The following IL4 variants were observed in gnomAD, a reference collection of about 807,000 sequenced individuals.
IL4 encodes the protein interleukin-4.
In IL4, 10 loss-of-function variants were observed where a neutral mutation model predicts 17.4. That is an observed-to-expected ratio of 0.57 (90% CI 0.35 to 0.97). IL4 has a LOEUF of 0.97. IL4 is among the 50% of genes least tolerant of loss of function. IL4 has a pLI of 0.01. For missense variants in IL4, 174 were observed against 187.7 expected (o/e 0.93, Z 0.43); for synonymous variants, 87 against 79.0 (o/e 1.10, Z -0.54).
In IL4 at chr5:132,680,985, G is replaced by A. The variant is rs544959335; in HGVS notation, c.360+1095G>A. On this transcript the variant is annotated intron_variant, in intron 3 of 3. Coordinates refer to ENST00000231449, the MANE Select transcript of IL4 (RefSeq NM_000589.4). This position sits in a 1 kb window ranked among gnomAD's most constrained non-coding sequence, Gnocchi z 4.3. Reference sequence around the variant, plus strand: ...AGACTGGCGGCAAGGCAGGGCTGGAGGTTCAGCAGAAGATCAAGAGTTCAA... The same window carrying A: ...AGACTGGCGGCAAGGCAGGGCTGGAAGTTCAGCAGAAGATCAAGAGTTCAA... 6.5e-4 allele frequency among the ~76,000 whole-genome samples: 99 copies of A among 152,330 alleles called. 1 individual carries two copies. The highest frequency in any genetic ancestry group is 6.3e-3 in the Admixed American group (96 of 15,310).
At chr5:132,681,805 T>C (rs151271210) in intron 3 of IL4, among the ~76,000 whole-genome samples, 131 of 152,298 alleles carry the variant, frequency 8.6e-4, no homozygotes, top group African/African-American at 3.0e-3. Context: ...TATCACCTTG[T>C]AGACAATGGG....
At chr5:132,676,267 T>C (rs530865124) in intron 2 of IL4, among the ~76,000 whole-genome samples, 4 of 152,300 alleles carry the variant, frequency 2.6e-5, no homozygotes, top group East Asian at 3.9e-4. Flanking sequence ...CTGAAGGTGA[T>C]TGCAAGGTTG....
intron 2 of IL4, among the ~76,000 whole-genome samples, chr5:132,675,871 GTGTGTGTATATA>G (rs1454514574): frequency 1.4e-5 from 2 of 145,836 alleles, no homozygotes; most frequent in East Asian, 2.0e-4. Context: ...GTGTGTGTGT[GTGTGTGTATATA>G]TGTGTGTGTG....
Position 132,679,949 on chromosome 5 carries a change from C to T in IL4, c.360+59C>T, listed in dbSNP as rs1001155721. 2.2e-6 allele frequency: 3 copies of T among 1,380,292 alleles called. No individual in the cohort carries two copies. In the African/African-American group the frequency reaches 4.3e-5, roughly 20 times the overall value. 85.5% of individuals were successfully genotyped at this position (1,380,292 alleles called of 1,614,324 possible). A position where few individuals can be genotyped will look rare whatever the true frequency, so the allele number is the denominator to read the frequency against. On this transcript the variant is annotated intron_variant, in intron 3 of 3. Coordinates refer to ENST00000231449, the MANE Select transcript of IL4 (RefSeq NM_000589.4). ...CGTGGCTCCTGGTGGACAGCAGCCT[C>T]ACTTCTAAACACTCCTTAGGAGCTG...
At chr5:132,674,548 T>C (rs746905518) in intron 2 of IL4, 42 bp downstream of exon 2, 20 of 1,508,430 alleles carry the variant, frequency 1.3e-5, no homozygotes, top group African/African-American at 4.1e-5. Context: ...AATGGGGAGA[T>C]CCATCCCCAA....
At chr5:132,682,081 C>CA (rs1468541777) in intron 3 of IL4, among the ~76,000 whole-genome samples, 3 of 152,058 alleles carry the variant, frequency 2.0e-5, no homozygotes, top group Non-Finnish European at 2.9e-5. Context: ...TTTAATGGCA[C>CA]AGGAGGGCCA....
intron 2 of IL4, among the ~76,000 whole-genome samples, chr5:132,677,368 G>A (rs755622144): frequency 2.6e-5 from 4 of 152,288 alleles, no homozygotes; most frequent in Admixed American, 1.3e-4. Flanking sequence ...GGCTGTCCAA[G>A]TGCACTCCCT....
intron 3 of IL4, among the ~76,000 whole-genome samples, chr5:132,681,951 G>T (rs1268605089): frequency 2.6e-5 from 4 of 152,144 alleles, no homozygotes; most frequent in Non-Finnish European, 5.9e-5. Flanking sequence ...AAATTAAGTA[G>T]TACATCCTAA....
rs374355865 is a variant in IL4 at position 132,682,530 on chromosome 5, C to T, written c.405C>T (p.Asn135=). ...VKEANQSTLE[N]FLERLKTIMR... ...AAGCCAACCAGAGTACGTTGGAAAA[C>T]TTCTTGGAAAGGCTAAAGACGATCA... Residue 135 remains asparagine, a synonymous_variant, in exon 4 of 4, where the codon AAC becomes AAT. Transcript: ENST00000231449. 1.5e-5 allele frequency: 24 copies of T among 1,612,406 alleles called. No individual in the cohort carries two copies. Among genetic ancestry groups the T allele is most frequent in the Middle Eastern group, 1.6e-4 (1 of 6,080 alleles).
chr5:132,678,417 A>G (rs2243270), intron 2 of IL4, among the ~76,000 whole-genome samples: 52,834 of 152,160 alleles, frequency 0.35, 13,003 homozygotes, highest in East Asian at 0.77. Flanking sequence ...ATTAACAGCA[A>G]TAGTTACCTC....
rs1752422321 is a variant in IL4 at position 132,678,357 on chromosome 5, A to C, written c.184-1357A>C. On this transcript the variant is annotated intron_variant, in intron 2 of 3. Coordinates refer to ENST00000231449, the MANE Select transcript of IL4 (RefSeq NM_000589.4). ...AGTTACAAAACAGTATCAACAGTTG[A>C]CCCCTATTTTAAAAAGTATTTTTAA... 2.0e-5 allele frequency among the ~76,000 whole-genome samples: 3 copies of C among 152,226 alleles called. No homozygotes were observed. In the South Asian group the frequency reaches 6.2e-4, roughly 32 times the overall value.
chr5:132,679,236 A>G (rs1397396828), intron 2 of IL4, among the ~76,000 whole-genome samples: 1 of 152,198 alleles, frequency 6.6e-6, no homozygotes, highest in Non-Finnish European at 1.5e-5. Flanking sequence ...TCATTTATTC[A>G]ACAGGCATGC....
Position 132,679,695 on chromosome 5 carries a change from G to A in IL4, c.184-19G>A. 6.3e-7 allele frequency: 1 copy of A among 1,596,142 alleles called. No homozygotes were observed. Among genetic ancestry groups the A allele is most frequent in the South Asian group, 1.1e-5 (1 of 88,734 alleles). ...AAATGGAGCTGGCACATTGCTATCTGTGGCATTTGTCTTTCCAGAACACAA... is the reference window on the plus strand; with the variant it reads ...AAATGGAGCTGGCACATTGCTATCTATGGCATTTGTCTTTCCAGAACACAA... On this transcript the variant is annotated intron_variant, in intron 2 of 3. Transcript: ENST00000231449.
chr5:132,680,855 G>A lies in IL4; in HGVS notation c.360+965G>A, dbSNP rs1433399028. Among the ~76,000 whole-genome samples, 2 of 152,236 alleles carry A rather than the reference G, an allele frequency of 1.3e-5. No individual in the cohort carries two copies. Among genetic ancestry groups the A allele is most frequent in the South Asian group, 4.1e-4 (2 of 4,830 alleles). On this transcript the variant is annotated intron_variant, in intron 3 of 3. Transcript: ENST00000231449. The surrounding 1 kb of genome is among the most constrained non-coding windows in gnomAD (Gnocchi z 4.3). ...AAAAATAAAACCAGAAGGATTTGCT[G>A]ACAGATCGGTTGTAGGGGGTAAGAT...
chr5:132,679,665 C>A, intron 2 of IL4, 49 bp from the exon 3 acceptor site: 1 of 1,499,892 alleles, frequency 6.7e-7, no homozygotes, highest in Non-Finnish European at 9.1e-7. Context: ...TCTCTCCCAT[C>A]CTCCAAATGG....
At chr5:132,675,010 C>T (rs1376816765) in intron 2 of IL4, among the ~76,000 whole-genome samples, 3 of 152,152 alleles carry the variant, frequency 2.0e-5, no homozygotes, top group African/African-American at 4.8e-5. Context: ...CTCTGGGTTC[C>T]GGGGCTGGCC....
rs200172265 is a variant in IL4 at position 132,679,785 on chromosome 5, G to A, written c.255G>A (p.Lys85=). 21 of 1,614,002 alleles carry A rather than the reference G, an allele frequency of 1.3e-5. No homozygotes were observed. The African/African-American group carries it at 1.7e-4, about 13-fold the overall frequency. The stretch of plus-strand genomic sequence containing the variant: ...GGCAGTTCTACAGCCACCATGAGAA[G>A]GACACTCGCTGCCTGGGTGCGACTG... ...VLRQFYSHHE[K]DTRCLGATAQ... The change falls in exon 3 of 4, where the codon AAG becomes AAA. Residue 85 remains lysine, a synonymous_variant. Coordinates refer to ENST00000231449, the MANE Select transcript of IL4 (RefSeq NM_000589.4).
intron 3 of IL4, among the ~76,000 whole-genome samples, chr5:132,682,129 C>T (rs1752499004): frequency 6.6e-6 from 1 of 152,100 alleles, no homozygotes; most frequent in South Asian, 2.1e-4. Context: ...GGCAGTCATG[C>T]AGAAGGCCCA....
intron 2 of IL4, among the ~76,000 whole-genome samples, chr5:132,675,552 CTT>C (rs34015525): frequency 8.3e-5 from 12 of 145,074 alleles, no homozygotes; most frequent in Admixed American, 2.7e-4. Flanking sequence ...CAAATACACA[CTT>C]TTTTTTTTTT....
Sources: allele counts gnomAD v4.1 joint callset (sites outside exome capture counted in the v4.1 genomes callset), GRCh38; gene constraint gnomAD v4.1.1; non-coding constraint Gnocchi (gnomAD v3.1); transcripts MANE v1.5; gene names NCBI Gene and HGNC (gene_info 2026-07-23, HGNC 2026-07-21).